The following USP43 variants were observed in gnomAD, a reference collection of about 807,000 sequenced individuals.
USP43 encodes ubiquitin specific peptidase 43.
A neutral mutation model predicts 90.7 loss-of-function variants in USP43; 33 were observed. The ratio of observed to expected loss-of-function variants is 0.36; its 90% CI spans 0.28 to 0.49. The LOEUF (loss-of-function observed/expected upper bound fraction) is 0.49, where lower values mean the gene tolerates loss of function less well. Ranked by LOEUF, USP43 falls within the 20% of genes least tolerant of loss-of-function variation. The pLI is 0.98. For missense variants in USP43, 1,274 were observed against 1,476.4 expected (o/e 0.86, Z 2.25); for synonymous variants, 598 against 615.8 (o/e 0.97, Z 0.43).
At chr17:9,706,631 ATTTTTTTTTTTTTTTTTTT>A (rs34165346) in intron 12 of USP43, among the ~76,000 whole-genome samples, 1 of 84,436 alleles carries the variant, frequency 1.2e-5, no homozygotes, top group Non-Finnish European at 2.2e-5. Context: ...TCAGATATTA[ATTTTTTTTTTTTTTTTTTT>A]TTTTTTTTTT....
chr17:9,691,558 G>T (rs1368457292), intron 8 of USP43, among the ~76,000 whole-genome samples: 1 of 152,108 alleles, frequency 6.6e-6, no homozygotes, highest in East Asian at 1.9e-4. Flanking sequence ...ATAAATATCT[G>T]TTCAAGCCCC....
chr17:9,652,669 T>C (rs761691493), intron 1 of USP43, among the ~76,000 whole-genome samples: 1 of 152,126 alleles, frequency 6.6e-6, no homozygotes, highest in Non-Finnish European at 1.5e-5. Context: ...CCTGTTTCCA[T>C]AGACTTTCTA....
Position 9,701,358 on chromosome 17 carries a change from C to T in USP43, c.1669C>T (p.Gln557Ter). 1.9e-6 allele frequency: 3 copies of T among 1,595,648 alleles called. No individual in the cohort carries two copies. The highest frequency in any genetic ancestry group is 2.6e-6 in the Non-Finnish European group (3 of 1,171,228). The change falls in exon 12 of 15, where the codon CAG becomes TAG. Residue 557 changes from glutamine (Q) to a stop codon, truncating the protein, a stop_gained. Transcript: ENST00000285199. LOFTEE classifies it high-confidence loss of function. The surrounding 1 kb of genome is among the most constrained non-coding windows in gnomAD (Gnocchi z 7.2). ...CGGGTGGTTTGCTTTCCAGCTGGCCCAGGATGACGCCTGGAAGTGTCCTCA... is the reference window on the plus strand; with the variant it reads ...CGGGTGGTTTGCTTTCCAGCTGGCCTAGGATGACGCCTGGAAGTGTCCTCA... The part of the protein sequence containing the change: ...QFYTKEEQLA[Q>*]DDAWKCPHCQ...
chr17:9,680,506 G>GGT, intron 6 of USP43, 140 bp downstream of exon 6: 1 of 968,362 alleles, frequency 1.0e-6, no homozygotes, highest in Non-Finnish European at 1.5e-6. Context: ...CATTCGTTGT[G>GGT]TGCAGATGGT....
At chr17:9,727,582 A>G (rs1917338598) in intron 14 of USP43, among the ~76,000 whole-genome samples, 1 of 152,132 alleles carries the variant, frequency 6.6e-6, no homozygotes, top group South Asian at 2.1e-4. Context: ...AATATGACCT[A>G]GAAAAGCAGG....
intron 14 of USP43, among the ~76,000 whole-genome samples, chr17:9,718,177 A>T (rs1916709704): frequency 6.6e-6 from 1 of 152,162 alleles, no homozygotes; most frequent in East Asian, 1.9e-4. Context: ...GGGACGAGAA[A>T]TATGCTGTAG....
chr17:9,709,102 G>T lies in USP43; in HGVS notation c.2012-854G>T, dbSNP rs896156796. Among the ~76,000 whole-genome samples, 2 of 152,184 alleles carry T rather than the reference G, an allele frequency of 1.3e-5. No homozygotes were observed. The highest frequency in any genetic ancestry group is 1.5e-5 in the Non-Finnish European group (1 of 68,038). On this transcript the variant is annotated intron_variant, in intron 12 of 14. Coordinates refer to ENST00000285199, the MANE Select transcript of USP43 (RefSeq NM_153210.5). This position sits in a 1 kb window ranked among gnomAD's most constrained non-coding sequence, Gnocchi z 5.0. ...TATGGGAAAAGTTTGCAAACTTCCAGATTACTGGGTTATGCTGTCATTTGC... is the reference window on the plus strand; with the variant it reads ...TATGGGAAAAGTTTGCAAACTTCCATATTACTGGGTTATGCTGTCATTTGC...
chr17:9,720,240 C>T (rs1367956836), intron 14 of USP43, among the ~76,000 whole-genome samples: 1 of 147,072 alleles, frequency 6.8e-6, no homozygotes, highest in African/African-American at 2.5e-5. Flanking sequence ...GCAGGAGAAT[C>T]GCTTAAACCT....
chr17:9,728,645 G>T lies in USP43; in HGVS notation c.3027G>T (p.Arg1009Ser). The T allele has an allele frequency of 6.2e-7, 1 of 1,613,732 alleles. No individual in the cohort carries two copies. The change falls in exon 15 of 15, where the codon AGG becomes AGT. Residue 1009 changes from arginine (R) to serine (S), a missense_variant. Transcript: ENST00000285199. The surrounding 1 kb of genome is among the most constrained non-coding windows in gnomAD (Gnocchi z 6.2). ...LRSVFRKKEN[R>S]RNERAEVSPQ... ...CCGTGTTTCGGAAGAAGGAGAACAG[G>T]AGGAATGAGAGGGCAGAGGTCTCTC... is the stretch of plus-strand genomic sequence containing the variant.
At chr17:9,681,461 ATTATAT>A (rs1567661143) in intron 6 of USP43, among the ~76,000 whole-genome samples, 1 of 65,038 alleles carries the variant, frequency 1.5e-5, no homozygotes, top group Non-Finnish European at 3.0e-5. Context: ...TATAAAATAT[ATTATAT>A]ATATATATAT....
intron 14 of USP43, among the ~76,000 whole-genome samples, chr17:9,724,650 A>T (rs1028398676): frequency 6.6e-6 from 1 of 152,246 alleles, no homozygotes; most frequent in Non-Finnish European, 1.5e-5. Flanking sequence ...ACTGGACTGC[A>T]GCCTGGGGGA....
At position 9,686,132 on chromosome 17, in the gene USP43, G is replaced by A. The variant is rs572459829; in HGVS notation, c.1242-666G>A. 1.3e-4 allele frequency among the ~76,000 whole-genome samples: 20 copies of A among 152,206 alleles called. No homozygotes were observed. The highest frequency in any genetic ancestry group is 4.1e-4 in the African/African-American group (17 of 41,520). ...CTCATCCATCTTGCCGCAAACAACA[G>A]GATTTCATTTCTTTTTTATGGGTGC... On this transcript the variant is annotated intron_variant, in intron 7 of 14. Coordinates refer to ENST00000285199, the MANE Select transcript of USP43 (RefSeq NM_153210.5). The surrounding 1 kb of genome is among the most constrained non-coding windows in gnomAD (Gnocchi z 5.5).
In USP43 at chr17:9,712,022, C is replaced by A. The variant is rs1394208227; in HGVS notation, c.2225C>A (p.Ala742Asp). The change falls in exon 14 of 15, where the codon GCT becomes GAT. Residue 742 changes from alanine to aspartate, a missense_variant. Transcript: ENST00000285199. The part of the protein sequence containing the change: ...DHWLLRLGSH[A>D]GSTRGSLLSW... ...TGGCTCTTACGGCTCGGGAGCCACGCTGGCAGCACAAGGGGAAGCCTGCTG... is the reference window on the plus strand; with the variant it reads ...TGGCTCTTACGGCTCGGGAGCCACGATGGCAGCACAAGGGGAAGCCTGCTG... The A allele has an allele frequency of 6.2e-7, 1 of 1,612,162 alleles. No individual in the cohort carries two copies. The highest frequency in any genetic ancestry group is 1.3e-5 in the African/African-American group (1 of 74,994).
At position 9,728,528 on chromosome 17, in the gene USP43, C is replaced by G; in HGVS notation, c.2910C>G (p.Pro970=). The change falls in exon 15 of 15, where the codon CCC becomes CCG. Residue 970 remains proline, a synonymous_variant. Coordinates refer to ENST00000285199, the MANE Select transcript of USP43 (RefSeq NM_153210.5). This position sits in a 1 kb window ranked among gnomAD's most constrained non-coding sequence, Gnocchi z 6.2. The part of the protein sequence containing the change: ...QMGSKSSPPS[P]YMGFSGNSKD... ...GAAGCAAAAGCAGCCCACCCTCCCC[C>G]TATATGGGATTCTCTGGAAACAGCA... The G allele has an allele frequency of 6.2e-7, 1 of 1,613,966 alleles. No homozygotes were observed.
rs34165346 is a variant in USP43 at position 9,706,631 on chromosome 17, ATTTTTTTTTTTTTT to A, written c.2012-3308_2012-3295del. On this transcript the variant is annotated intron_variant, in intron 12 of 14. Coordinates refer to ENST00000285199, the MANE Select transcript of USP43 (RefSeq NM_153210.5). ...ATGCCATCTGCCCTATCAGATATTA[ATTTTTTTTTTTTTT>A]TTTTTTTTTTTTTTTTGAGACAGAG... 7.2e-3 allele frequency among the ~76,000 whole-genome samples: 610 copies of A among 84,522 alleles called. 6 individuals are homozygous for A. Among genetic ancestry groups the A allele is most frequent in the African/African-American group, 0.028 (575 of 20,202 alleles). 55.4% of individuals were successfully genotyped at this position (84,522 alleles called of 152,430 possible). A position where few individuals can be genotyped will look rare whatever the true frequency, so the allele number is the denominator to read the frequency against.
At chr17:9,671,753 G>A (rs183887082) in intron 3 of USP43, among the ~76,000 whole-genome samples, 1 of 152,258 alleles carries the variant, frequency 6.6e-6, no homozygotes, top group East Asian at 1.9e-4. Flanking sequence ...GAGACAACAG[G>A]GCAGGACTGT....
At chr17:9,660,634 C>G (rs79648600) in intron 2 of USP43, among the ~76,000 whole-genome samples, 2,835 of 152,262 alleles carry the variant, frequency 0.019, 87 homozygotes, top group African/African-American at 0.064. Flanking sequence ...AATTCAGACT[C>G]CTATGTGACT....
At chr17:9,692,992 T>C (rs1915047244) in intron 8 of USP43, 135 bp from the exon 9 acceptor site, 1 of 739,232 alleles carries the variant, frequency 1.4e-6, no homozygotes. Flanking sequence ...TTTTGAATTC[T>C]AATTATTACG....
chr17:9,721,381 G>A (rs1453115656), intron 14 of USP43, among the ~76,000 whole-genome samples: 1 of 152,124 alleles, frequency 6.6e-6, no homozygotes, highest in Admixed American at 6.5e-5. Context: ...AACTCTTTCA[G>A]ATTATTTTGG....
Sources: gnomAD v4.1 joint callset for allele counts (sites outside exome capture counted in the v4.1 genomes callset) on GRCh38, gnomAD v4.1.1 for gene constraint, Gnocchi (gnomAD v3.1) non-coding constraint, MANE v1.5 for transcripts, NCBI Gene and HGNC (gene_info 2026-07-23, HGNC 2026-07-21) for gene names.